SNTG2: variants seen among roughly 807,000 people sequenced by gnomAD.
SNTG2 encodes syntrophin gamma 2, also known as gamma-2-syntrophin.
SNTG2 carries 74 observed loss-of-function variants against 70.9 expected under a neutral mutation model. The observed-to-expected ratio is 1.04, with a 90% CI of 0.86 to 1.27. The LOEUF is 1.27. Among genes scored for constraint, SNTG2 ranks in the 50% most tolerant of loss-of-function variants. The probability of loss-of-function intolerance (pLI) is 0.00; values close to 1 mark genes in which losing one functional copy is unlikely to be tolerated. For synonymous variants in SNTG2, 278 were observed against 273.8 expected, an observed-to-expected ratio of 1.02 and a Z score of -0.15; for missense variants, 717 against 690.7, an observed-to-expected ratio of 1.04 and a Z score of -0.43.
At position 1,180,395 on chromosome 2, in the gene SNTG2, A is replaced by C. The variant is rs1484879037; in HGVS notation, c.591+7212A>C. On this transcript the variant is annotated intron_variant, in intron 8 of 16. Coordinates refer to ENST00000308624, the MANE Select transcript of SNTG2 (RefSeq NM_018968.4). ...AGAAAAAAACAAACAACCCCATCAA[A>C]AAGTGGGCAAAGGACATGAACAGAC... Among the ~76,000 whole-genome samples the C allele has an allele frequency of 4.9e-3, 600 of 122,348 alleles. 1 individual carries two copies. The highest frequency in any genetic ancestry group is 7.6e-3 in the South Asian group (26 of 3,410). 80.3% of individuals were successfully genotyped at this position (122,348 alleles called of 152,430 possible). A position where few individuals can be genotyped will look rare whatever the true frequency, so the allele number is the denominator to read the frequency against.
chr2:1,239,512 A>G (rs920885852), intron 10 of SNTG2, among the ~76,000 whole-genome samples: 11 of 152,254 alleles, frequency 7.2e-5, no homozygotes, highest in African/African-American at 2.7e-4. Context: ...CTTCACTTAC[A>G]TAAATGCTGA....
At chr2:1,232,982 G>A (rs1676362535) in intron 9 of SNTG2, among the ~76,000 whole-genome samples, 1 of 152,242 alleles carries the variant, frequency 6.6e-6, no homozygotes, top group Non-Finnish European at 1.5e-5. Flanking sequence ...TGTTACCACA[G>A]GCACAGAGGG....
chr2:961,271 A>C (rs1340965368), intron 1 of SNTG2, among the ~76,000 whole-genome samples: 1 of 152,166 alleles, frequency 6.6e-6, no homozygotes, highest in Non-Finnish European at 1.5e-5. Flanking sequence ...CAGTGGCACG[A>C]TCTTGGCTCA....
At chr2:1,090,414 T>C (rs112356702) in intron 2 of SNTG2, among the ~76,000 whole-genome samples, 2,360 of 152,340 alleles carry the variant, frequency 0.015, 58 homozygotes, top group African/African-American at 0.054. Context: ...CACAACCGTC[T>C]GCAGCAAACT....
intron 6 of SNTG2, among the ~76,000 whole-genome samples, chr2:1,144,071 C>T (rs942139020): frequency 2.6e-5 from 4 of 152,234 alleles, no homozygotes; most frequent in East Asian, 1.9e-4. Context: ...GATCCATCTA[C>T]CCAAGGGTGT....
chr2:1,167,947 A>G (rs1469496227), intron 7 of SNTG2, among the ~76,000 whole-genome samples: 1 of 124,902 alleles, frequency 8.0e-6, no homozygotes, highest in Non-Finnish European at 1.7e-5. Context: ...GCAGAACTGA[A>G]GCCTACAAGC....
rs1042839462 is a variant in SNTG2, at chr2:1,097,756, C to T, written c.211-440C>T. ...TATTGGTTGAAGATTGTCCTAAACA[C>T]GGCTGACTTCAGCAGAGACGTACAG... On this transcript the variant is annotated intron_variant, in intron 2 of 16. Transcript: ENST00000308624. The surrounding 1 kb of genome is among the most constrained non-coding windows in gnomAD (Gnocchi z 4.1). Among the ~76,000 whole-genome samples, 7 of 151,990 alleles carry T rather than the reference C, an allele frequency of 4.6e-5. No homozygotes were observed. Among genetic ancestry groups the T allele is most frequent in the African/African-American group, 1.2e-4 (5 of 41,368 alleles).
chr2:1,309,283 C>T (rs996330566), intron 15 of SNTG2, among the ~76,000 whole-genome samples: 2 of 152,210 alleles, frequency 1.3e-5, no homozygotes, highest in African/African-American at 4.8e-5. Flanking sequence ...ATCTCATGGT[C>T]ATTTCCTAAC....
intron 16 of SNTG2, among the ~76,000 whole-genome samples, chr2:1,342,354 G>T (rs4971479): frequency 2.2e-5 from 1 of 45,046 alleles, no homozygotes; most frequent in African/African-American, 9.4e-5. Flanking sequence ...AGAGTGGACT[G>T]GCACTTTTCC....
chr2:1,143,760 C>G (rs1668908920), intron 6 of SNTG2, among the ~76,000 whole-genome samples: 1 of 98,356 alleles, frequency 1.0e-5, no homozygotes, highest in East Asian at 8.2e-4. Context: ...GTAATCCCAG[C>G]TACTTGGGAG....
intron 11 of SNTG2, among the ~76,000 whole-genome samples, chr2:1,241,341 G>T (rs370076626): frequency 2.6e-5 from 4 of 152,208 alleles, no homozygotes; most frequent in African/African-American, 9.6e-5. Flanking sequence ...GAGAGCATAC[G>T]TGGGAATGGG....
intron 1 of SNTG2, among the ~76,000 whole-genome samples, chr2:961,324 T>C (rs1660342061): frequency 6.6e-6 from 1 of 152,132 alleles, no homozygotes; most frequent in Admixed American, 6.5e-5. Flanking sequence ...TCTGGCTTTT[T>C]AATATATTTT....
chr2:1,239,656 C>A, intron 10 of SNTG2, 82 bp from the exon 11 acceptor site: 2 of 1,454,740 alleles, frequency 1.4e-6, no homozygotes, highest in Non-Finnish European at 1.9e-6. Flanking sequence ...CAGAGCGTGG[C>A]TGATGACTTC....
chr2:1,053,109 G>A lies in SNTG2; in HGVS notation c.73-30409G>A, dbSNP rs185043176. On this transcript the variant is annotated intron_variant, in intron 1 of 16. Coordinates refer to ENST00000308624, the MANE Select transcript of SNTG2 (RefSeq NM_018968.4). ...TTTGAGGTTTTCTTTATGACCCTGC[G>A]TTTTGTCCACGTAGGAAGGAGGGTG... Among the ~76,000 whole-genome samples, 733 of 152,184 alleles carry A rather than the reference G, an allele frequency of 4.8e-3. 3 individuals are homozygous for A. Among genetic ancestry groups the A allele is most frequent in the Non-Finnish European group, 8.6e-3 (586 of 68,024 alleles).
rs78676739 is a variant in SNTG2, at chr2:1,280,255, G to A, written c.1284+12684G>A. 8.0e-3 allele frequency among the ~76,000 whole-genome samples: 1,223 copies of A among 152,030 alleles called. 16 individuals are homozygous for A. Among genetic ancestry groups the A allele is most frequent in the African/African-American group, 0.028 (1,154 of 41,448 alleles). On this transcript the variant is annotated intron_variant, in intron 14 of 16. Coordinates refer to ENST00000308624, the MANE Select transcript of SNTG2 (RefSeq NM_018968.4). ...ACATTAGATTAGAGTAGATTTATGGGGTCATTAAAAGACAATTATTTGTTA... is the reference window on the plus strand; with the variant it reads ...ACATTAGATTAGAGTAGATTTATGGAGTCATTAAAAGACAATTATTTGTTA...
At chr2:1,063,623 C>G (rs1484672059) in intron 1 of SNTG2, among the ~76,000 whole-genome samples, 1 of 152,074 alleles carries the variant, frequency 6.6e-6, no homozygotes, top group Non-Finnish European at 1.5e-5. Context: ...ACAAACAATT[C>G]AAGCAGAAAG....
chr2:984,430 T>A (rs558474948), intron 1 of SNTG2, among the ~76,000 whole-genome samples: 75 of 152,124 alleles, frequency 4.9e-4, no homozygotes, highest in Admixed American at 3.3e-3. Flanking sequence ...TTTCACTCAT[T>A]TCTCCACGGT....
At chr2:1,183,821 T>C (rs1672082680) in intron 8 of SNTG2, among the ~76,000 whole-genome samples, 1 of 152,188 alleles carries the variant, frequency 6.6e-6, no homozygotes, top group South Asian at 2.1e-4. Flanking sequence ...TATATAGTTA[T>C]TCAAAAGAGG....
chr2:1,280,158 T>A (rs569885368), intron 14 of SNTG2, among the ~76,000 whole-genome samples: 12 of 152,298 alleles, frequency 7.9e-5, no homozygotes, highest in Non-Finnish European at 8.8e-5. Flanking sequence ...AGAATAATAC[T>A]ACAAATGTAT....
Sources: allele counts gnomAD v4.1 joint callset (sites outside exome capture counted in the v4.1 genomes callset), GRCh38; gene constraint gnomAD v4.1.1; non-coding constraint Gnocchi (gnomAD v3.1); transcripts MANE v1.5; gene names NCBI Gene and HGNC (gene_info 2026-07-23, HGNC 2026-07-21).